SPAG16: variants seen among roughly 807,000 people sequenced by gnomAD.
SPAG16 encodes the protein sperm associated antigen 16, also known as sperm-associated antigen 16 protein.
SPAG16 carries 86 observed loss-of-function variants against 80.4 expected under a neutral mutation model. That is an observed-to-expected ratio of 1.07 (90% CI 0.90 to 1.28). SPAG16 has a LOEUF of 1.28. Ranked by LOEUF, SPAG16 falls within the 50% of genes most tolerant of loss-of-function variation. The probability of loss-of-function intolerance (pLI) is 0.00; values close to 1 mark genes in which losing one functional copy is unlikely to be tolerated. For missense variants in SPAG16, 870 were observed against 765.3 expected, an observed-to-expected ratio of 1.14 and a Z score of -1.61; for synonymous variants, 294 against 265.9, an observed-to-expected ratio of 1.11 and a Z score of -1.03.
chr2:214,360,283 G>T (rs1699101385), intron 15 of SPAG16, among the ~76,000 whole-genome samples: 1 of 151,720 alleles, frequency 6.6e-6, no homozygotes, highest in Admixed American at 6.6e-5. Context: ...AATATTATTT[G>T]AGCAAGAAAA....
chr2:214,327,263 G>C (rs1696563302), intron 15 of SPAG16, among the ~76,000 whole-genome samples: 1 of 152,146 alleles, frequency 6.6e-6, no homozygotes, highest in African/African-American at 2.4e-5. Flanking sequence ...GATAAAAAGA[G>C]GAAGTAGTTA....
chr2:214,044,334 T>C (rs1284767255), intron 13 of SPAG16, among the ~76,000 whole-genome samples: 2 of 152,206 alleles, frequency 1.3e-5, no homozygotes, highest in Non-Finnish European at 2.9e-5. Flanking sequence ...ATTCATAAAA[T>C]ACTATTCTTT....
intron 15 of SPAG16, among the ~76,000 whole-genome samples, chr2:214,228,413 A>AT (rs1688433054): frequency 6.6e-6 from 1 of 151,914 alleles, no homozygotes. Context: ...ATTTTACCTC[A>AT]TTTTTATAAG....
chr2:214,323,253 A>G (rs1383540798), intron 15 of SPAG16, among the ~76,000 whole-genome samples: 2 of 152,036 alleles, frequency 1.3e-5, no homozygotes, highest in Non-Finnish European at 2.9e-5. Flanking sequence ...TTAAAGGGTG[A>G]CCTGGCACAC....
At chr2:213,354,154 T>C (rs1429248523) in intron 7 of SPAG16, among the ~76,000 whole-genome samples, 1 of 152,182 alleles carries the variant, frequency 6.6e-6, no homozygotes, top group Non-Finnish European at 1.5e-5. Context: ...TCTGTACCTG[T>C]GATAGTTTGC....
At chr2:213,584,989 G>T (rs1429916311) in intron 10 of SPAG16, among the ~76,000 whole-genome samples, 1 of 151,972 alleles carries the variant, frequency 6.6e-6, no homozygotes, top group Non-Finnish European at 1.5e-5. Context: ...AGGAGTTCAA[G>T]ATCAGCCTGG....
At chr2:213,888,825 A>T (rs1353568009) in intron 11 of SPAG16, among the ~76,000 whole-genome samples, 1 of 151,898 alleles carries the variant, frequency 6.6e-6, no homozygotes, top group Non-Finnish European at 1.5e-5. Context: ...ATAAAAACAT[A>T]TTTGGAGGAA....
chr2:213,511,949 T>A (rs1424451533), intron 10 of SPAG16, among the ~76,000 whole-genome samples: 2 of 152,088 alleles, frequency 1.3e-5, no homozygotes, highest in African/African-American at 4.8e-5. Context: ...GTTTTCTTTA[T>A]GAAGTCCAGA....
intron 9 of SPAG16, among the ~76,000 whole-genome samples, chr2:213,486,491 C>T (rs1015444132): frequency 8.6e-5 from 13 of 151,928 alleles, no homozygotes; most frequent in Non-Finnish European, 1.3e-4. Context: ...GAATATTATT[C>T]GGCCATAAAA....
intron 10 of SPAG16, among the ~76,000 whole-genome samples, chr2:213,652,896 T>A (rs1455465695): frequency 6.6e-6 from 1 of 152,172 alleles, no homozygotes; most frequent in Non-Finnish European, 1.5e-5. Context: ...TGATTCTGTG[T>A]CATGTCTAAA....
intron 13 of SPAG16, among the ~76,000 whole-genome samples, chr2:214,097,583 C>T (rs1421419989): frequency 1.3e-5 from 2 of 151,916 alleles, no homozygotes; most frequent in African/African-American, 4.8e-5. Context: ...GACCCTTTTG[C>T]TTAAATTACC....
intron 9 of SPAG16, chr2:213,422,567 G>A (rs934338931): frequency 9.7e-6 from 4 of 414,184 alleles, no homozygotes; most frequent in Non-Finnish European, 1.7e-5. Flanking sequence ...GCAAAACTTG[G>A]GCAAAGGTAC....
chr2:213,988,146 A>T (rs1005821380), intron 12 of SPAG16, among the ~76,000 whole-genome samples: 11 of 152,022 alleles, frequency 7.2e-5, no homozygotes, highest in African/African-American at 2.7e-4. Flanking sequence ...CCCTTTAAAT[A>T]AACCAAGATT....
At chr2:214,000,807 C>T (rs2046756400) in intron 12 of SPAG16, among the ~76,000 whole-genome samples, 1 of 152,180 alleles carries the variant, frequency 6.6e-6, no homozygotes, top group African/African-American at 2.4e-5. Context: ...AAGCTCTGCG[C>T]ATGAGGAAAC....
chr2:213,426,920 G>T (rs1041928909), intron 9 of SPAG16, among the ~76,000 whole-genome samples: 1 of 148,100 alleles, frequency 6.8e-6, no homozygotes, highest in African/African-American at 2.5e-5. Flanking sequence ...TTGATATTTT[G>T]CTCCATGAAT....
chr2:213,426,857 A>ACG (rs2069961028), intron 9 of SPAG16, among the ~76,000 whole-genome samples: 1 of 150,900 alleles, frequency 6.6e-6, no homozygotes, highest in Non-Finnish European at 1.5e-5. Flanking sequence ...ACACACACAC[A>ACG]CACACACACA....
intron 10 of SPAG16, among the ~76,000 whole-genome samples, chr2:213,858,849 G>T (rs980288509): frequency 6.6e-6 from 1 of 151,962 alleles, no homozygotes; most frequent in African/African-American, 2.4e-5. Flanking sequence ...ATTAAGTATT[G>T]TTCTACATTT....
intron 10 of SPAG16, among the ~76,000 whole-genome samples, chr2:213,505,434 T>G (rs1208650445): frequency 6.6e-6 from 1 of 152,168 alleles, no homozygotes; most frequent in Non-Finnish European, 1.5e-5. Context: ...TTTTTTGGTA[T>G]TCTATTTTGA....
intron 13 of SPAG16, among the ~76,000 whole-genome samples, chr2:214,101,674 A>G (rs2053043841): frequency 6.6e-6 from 1 of 152,128 alleles, no homozygotes; most frequent in Admixed American, 6.6e-5. Flanking sequence ...ATAAAGGGCT[A>G]GGGGACTTTG....
Sources: allele counts gnomAD v4.1 joint callset (sites outside exome capture counted in the v4.1 genomes callset), GRCh38; gene constraint gnomAD v4.1.1; transcripts MANE v1.5; gene names NCBI Gene and HGNC (gene_info 2026-07-23, HGNC 2026-07-21).